The following GCSAML variants were observed in gnomAD, a reference collection of about 807,000 sequenced individuals.
The protein encoded by GCSAML is germinal center-associated signaling and motility-like protein.
Under a neutral mutation model 13.0 loss-of-function variants are expected in GCSAML, and 9 were observed. The observed-to-expected ratio is 0.69, with a 90% CI of 0.42 to 1.21. The LOEUF (loss-of-function observed/expected upper bound fraction) is 1.21. Among genes scored for constraint, GCSAML ranks in the 50% most tolerant of loss-of-function variants. The pLI is 0.00. For missense variants in GCSAML, 143 were observed against 153.4 expected, an observed-to-expected ratio of 0.93 and a Z score of 0.36; for synonymous variants, 37 against 52.9, an observed-to-expected ratio of 0.70 and a Z score of 1.31.
chr1:247,574,054 G>C (rs1433709696), intron 4 of GCSAML, 89 bp from the exon 5 acceptor site: 1 of 1,424,470 alleles, frequency 7.0e-7, no homozygotes, highest in African/African-American at 1.4e-5. Flanking sequence ...GCACCATCAG[G>C]TGTATAAAGA....
At chr1:247,521,554 A>AT (rs776306935) in intron 1 of GCSAML, among the ~76,000 whole-genome samples, 35 of 152,032 alleles carry the variant, frequency 2.3e-4, no homozygotes, top group Non-Finnish European at 4.4e-4. Context: ...TGGTTTTCGT[A>AT]TTTTTTTGGT....
chr1:247,552,802 C>T (rs141565271), intron 1 of GCSAML, among the ~76,000 whole-genome samples: 5 of 151,894 alleles, frequency 3.3e-5, no homozygotes, highest in Admixed American at 1.3e-4. Flanking sequence ...GTCACCCAGG[C>T]TGGAGGGCAG....
intron 2 of GCSAML, among the ~76,000 whole-genome samples, chr1:247,557,971 A>G (rs1034600576): frequency 1.3e-5 from 2 of 152,224 alleles, no homozygotes; most frequent in Admixed American, 6.5e-5. Context: ...TGAGATCTGC[A>G]CTAGATGTCA....
At chr1:247,547,878 T>G (rs1025729702), upstream of GCSAML, among the ~76,000 whole-genome samples, 1 of 152,186 alleles carries the variant, frequency 6.6e-6, no homozygotes, top group Non-Finnish European at 1.5e-5. Flanking sequence ...AAGCAGCACT[T>G]TGGTACATAG....
chr1:247,552,543 A>G (rs1192283477), intron 1 of GCSAML, among the ~76,000 whole-genome samples: 1 of 152,220 alleles, frequency 6.6e-6, no homozygotes. Context: ...GTAAATGTAG[A>G]CATCGCCCAT....
chr1:247,555,390 A>G (rs1667914646), intron 1 of GCSAML, among the ~76,000 whole-genome samples: 1 of 152,216 alleles, frequency 6.6e-6, no homozygotes, highest in Non-Finnish European at 1.5e-5. Flanking sequence ...TCCAGATTTG[A>G]CTGTGATCGT....
intron 1 of GCSAML, among the ~76,000 whole-genome samples, chr1:247,556,100 T>G (rs1667936350): frequency 6.6e-6 from 1 of 152,174 alleles, no homozygotes. Context: ...AAGGTCTTTA[T>G]AGCTTCCTGG....
At chr1:247,535,940 C>G (rs1327595934) in intron 2 of GCSAML, among the ~76,000 whole-genome samples, 1 of 152,192 alleles carries the variant, frequency 6.6e-6, no homozygotes, top group Non-Finnish European at 1.5e-5. Context: ...AAGGAAACGT[C>G]TTGAGTTCAA....
chr1:247,520,681 CTTTAGGTTAATGCGTAGTT>C (rs1666382936), intron 1 of GCSAML, among the ~76,000 whole-genome samples: 2 of 152,134 alleles, frequency 1.3e-5, no homozygotes. Context: ...GCCTCAAACT[CTTTAGGTTAATGCGTAGTT>C]TTCAAATTTC....
intron 1 of GCSAML, among the ~76,000 whole-genome samples, chr1:247,516,559 T>G (rs1666216962): frequency 6.6e-6 from 1 of 152,056 alleles, no homozygotes; most frequent in Non-Finnish European, 1.5e-5. Flanking sequence ...GACTGTTTTT[T>G]TTTTTTTTTT....
chr1:247,540,894 A>T (rs2103021309), intron 2 of GCSAML, among the ~76,000 whole-genome samples: 1 of 152,316 alleles, frequency 6.6e-6, no homozygotes, highest in Non-Finnish European at 1.5e-5. Flanking sequence ...AAGGAAAAAA[A>T]CTCAAGAGCC....
intron 1 of GCSAML, among the ~76,000 whole-genome samples, chr1:247,517,436 T>C (rs1666250325): frequency 6.6e-6 from 1 of 152,170 alleles, no homozygotes; most frequent in Non-Finnish European, 1.5e-5. Flanking sequence ...AATGTGGAAA[T>C]GTGAGAGCTG....
At chr1:247,517,526 G>C (rs572935595) in intron 1 of GCSAML, among the ~76,000 whole-genome samples, 14 of 152,284 alleles carry the variant, frequency 9.2e-5, no homozygotes, top group Non-Finnish European at 1.9e-4. Context: ...ATGGTTAGTA[G>C]ATTCTGACAA....
chr1:247,517,649 T>C (rs1666257680), intron 1 of GCSAML, among the ~76,000 whole-genome samples: 1 of 152,242 alleles, frequency 6.6e-6, no homozygotes. Flanking sequence ...ATCAGAGTGC[T>C]ACTGAGAAAA....
chr1:247,566,615 C>A (rs1389113530), intron 4 of GCSAML, among the ~76,000 whole-genome samples: 2 of 151,390 alleles, frequency 1.3e-5, no homozygotes, highest in African/African-American at 4.9e-5. Context: ...AAAAACTGAC[C>A]ACCATAAAAC....
rs577619243 is a variant in GCSAML, at chr1:247,574,352, G to A, written c.378G>A (p.Glu126=). The change falls in exon 5 of 5, where the codon GAG becomes GAA. Residue 126 remains glutamate, a synonymous_variant. Transcript: ENST00000366488. ...SVSRPCSCTH[E]HDYEVVFPH ...GTAGGCCTTGTTCCTGCACCCATGAGCATGATTATGAAGTTGTGTTTCCAC... is the reference window on the plus strand; with the variant it reads ...GTAGGCCTTGTTCCTGCACCCATGAACATGATTATGAAGTTGTGTTTCCAC... 1.2e-4 allele frequency: 196 copies of A among 1,614,072 alleles called. 5 individuals are homozygous for A. The South Asian group carries it at 2.0e-3, about 16-fold the overall frequency.
intron 4 of GCSAML, among the ~76,000 whole-genome samples, chr1:247,569,691 GT>G (rs1258596681): frequency 6.6e-6 from 1 of 152,158 alleles, no homozygotes; most frequent in Non-Finnish European, 1.5e-5. Context: ...TCTCTGGCAA[GT>G]TTTCATATCA....
intron 2 of GCSAML, among the ~76,000 whole-genome samples, chr1:247,557,443 G>T (rs950810415): frequency 1.5e-4 from 23 of 152,202 alleles, no homozygotes; most frequent in African/African-American, 5.5e-4. Context: ...ACCCTGCCTT[G>T]TTGGTTAACT....
chr1:247,574,162 G>A lies in GCSAML; in HGVS notation c.188G>A (p.Gly63Asp), dbSNP rs1490170465. Residue 63 changes from glycine (G) to aspartate (D), a missense_variant, in exon 5 of 5, where the codon GGT (glycine) becomes GAT (aspartate). Transcript: ENST00000366488. ...TSNQENENGS[G>D]SEEVCYTVIN... is the part of the protein sequence containing the mutation. Reference sequence around the variant, plus strand: ...TGGCAGGAAAACGAGAATGGCAGTGGTTCTGAAGAAGTGTGCTACACTGTC... The same window carrying A: ...TGGCAGGAAAACGAGAATGGCAGTGATTCTGAAGAAGTGTGCTACACTGTC... 4 of 1,613,898 alleles carry A rather than the reference G, an allele frequency of 2.5e-6. No homozygotes were observed. Among genetic ancestry groups the A allele is most frequent in the Admixed American group, 1.7e-5 (1 of 59,992 alleles).
Sources: allele counts gnomAD v4.1 joint callset (sites outside exome capture counted in the v4.1 genomes callset), GRCh38; gene constraint gnomAD v4.1.1; transcripts MANE v1.5; gene names NCBI Gene and HGNC (gene_info 2026-07-23, HGNC 2026-07-21).